The following SPTY2D1 variants were observed in gnomAD, a reference collection of about 807,000 sequenced individuals.
SPTY2D1 encodes protein SPT2 homolog.
In SPTY2D1, 21 loss-of-function variants were observed where a neutral mutation model predicts 64.0. The ratio of observed to expected loss-of-function variants is 0.33; its 90% CI spans 0.23 to 0.47. The LOEUF is 0.47. Ranked by LOEUF, SPTY2D1 falls within the 20% of genes least tolerant of loss-of-function variation. SPTY2D1 has a pLI of 1.00. For synonymous variants in SPTY2D1, 287 were observed against 286.8 expected (o/e 1.00, Z -0.01); for missense variants, 724 against 837.2 (o/e 0.86, Z 1.67).
At chr11:18,621,075 G>A (rs1419153293) in intron 1 of SPTY2D1, among the ~76,000 whole-genome samples, 1 of 151,540 alleles carries the variant, frequency 6.6e-6, no homozygotes, top group Non-Finnish European at 1.5e-5. Flanking sequence ...AGGCTGAAGC[G>A]GGTGGATCAC....
chr11:18,618,640 T>C (rs1222440789), intron 1 of SPTY2D1, among the ~76,000 whole-genome samples: 2 of 152,198 alleles, frequency 1.3e-5, no homozygotes, highest in Non-Finnish European at 2.9e-5. Context: ...TTGCTGTGGC[T>C]AGCAGAAAAA....
intron 1 of SPTY2D1, among the ~76,000 whole-genome samples, chr11:18,620,203 G>A (rs980700235): frequency 7.2e-5 from 11 of 152,158 alleles, no homozygotes; most frequent in African/African-American, 1.7e-4. Flanking sequence ...GGCCAGGTGC[G>A]GTGGTTCACG....
At chr11:18,628,815 G>C (rs1854540093) in intron 1 of SPTY2D1, among the ~76,000 whole-genome samples, 1 of 152,160 alleles carries the variant, frequency 6.6e-6, no homozygotes, top group South Asian at 2.1e-4. Flanking sequence ...AAAACTTTTT[G>C]TTGGCCCACA....
intron 1 of SPTY2D1, among the ~76,000 whole-genome samples, chr11:18,626,015 TCAC>T (rs1232567586): frequency 6.6e-6 from 1 of 152,206 alleles, no homozygotes; most frequent in East Asian, 1.9e-4. Flanking sequence ...GAGACAGGTT[TCAC>T]CACGTTGGCC....
chr11:18,614,468 C>T, intron 3 of SPTY2D1, 95 bp downstream of exon 3: 1 of 1,180,410 alleles, frequency 8.5e-7, no homozygotes. Flanking sequence ...TAAAGGACAG[C>T]ACATGAGGGG....
At chr11:18,619,845 G>A (rs1183391270) in intron 1 of SPTY2D1, among the ~76,000 whole-genome samples, 1 of 152,074 alleles carries the variant, frequency 6.6e-6, no homozygotes, top group Non-Finnish European at 1.5e-5. Context: ...CCCATGCAAG[G>A]TTTTCCCCAA....
At chr11:18,619,405 G>A (rs1337354125) in intron 1 of SPTY2D1, among the ~76,000 whole-genome samples, 1 of 148,858 alleles carries the variant, frequency 6.7e-6, no homozygotes, top group African/African-American at 2.5e-5. Flanking sequence ...GACAGCTTGA[G>A]CCCAGGAGTT....
chr11:18,632,163 A>G (rs1854598756), intron 1 of SPTY2D1, among the ~76,000 whole-genome samples: 1 of 151,844 alleles, frequency 6.6e-6, no homozygotes, highest in African/African-American at 2.4e-5. Flanking sequence ...AAAAAAAAAA[A>G]AAAAGAAGAA....
At chr11:18,620,639 C>T (rs1183012228) in intron 1 of SPTY2D1, among the ~76,000 whole-genome samples, 1 of 151,988 alleles carries the variant, frequency 6.6e-6, no homozygotes, top group African/African-American at 2.4e-5. Flanking sequence ...TTAATCCCAG[C>T]ACTTTGGGAG....
In SPTY2D1 at chr11:18,631,552, C is replaced by CAA. The variant is rs71050620; in HGVS notation, c.60+2644_60+2645dup. 3.3e-3 allele frequency among the ~76,000 whole-genome samples: 377 copies of CAA among 112,850 alleles called. 5 individuals are homozygous for CAA. The highest frequency in any genetic ancestry group is 3.3e-3 in the Admixed American group (37 of 11,162). The allele number at this position is 112,850 out of a possible 152,430, so 74.0% of individuals were successfully genotyped here. On this transcript the variant is annotated intron_variant, in intron 1 of 5. Transcript: ENST00000336349. ...AGCCTGGGCAACAGAGACTCCATCT[C>CAA]AAAAAAAAGAAAAGAAAAGAAAAAG...
intron 1 of SPTY2D1, among the ~76,000 whole-genome samples, chr11:18,624,356 A>G (rs917340743): frequency 6.6e-6 from 1 of 152,184 alleles, no homozygotes; most frequent in African/African-American, 2.4e-5. Flanking sequence ...TCTGAATCTG[A>G]GTCAAGGCAC....
At chr11:18,618,878 A>G (rs1440564153) in intron 1 of SPTY2D1, among the ~76,000 whole-genome samples, 1 of 152,212 alleles carries the variant, frequency 6.6e-6, no homozygotes, top group Non-Finnish European at 1.5e-5. Flanking sequence ...AAAATCTTGC[A>G]TGATAGCAAT....
intron 5 of SPTY2D1, among the ~76,000 whole-genome samples, chr11:18,610,681 A>C (rs909739557): frequency 6.0e-5 from 9 of 150,878 alleles, no homozygotes; most frequent in South Asian, 2.1e-4. Context: ...AAAAAAAAAA[A>C]AAAAAAACAA....
chr11:18,628,550 G>A (rs1299936830), intron 1 of SPTY2D1, among the ~76,000 whole-genome samples: 2 of 152,230 alleles, frequency 1.3e-5, no homozygotes, highest in Non-Finnish European at 2.9e-5. Flanking sequence ...TAGTAAGGCA[G>A]AAGAACTATC....
Position 18,616,968 on chromosome 11 carries a change from C to T in SPTY2D1, c.82G>A (p.Gly28Arg). 1.2e-6 allele frequency: 2 copies of T among 1,613,990 alleles called. No homozygotes were observed. Among genetic ancestry groups the T allele is most frequent in the Non-Finnish European group, 1.7e-6 (2 of 1,179,986 alleles). The change falls in exon 2 of 6, where the codon GGG (glycine) becomes AGG (arginine). Residue 28 changes from glycine (G) to arginine (R), a missense_variant. This residue lies in a region of SPTY2D1 where 179 missense variants were observed against 232.5 expected (regional missense o/e 0.77). Transcript: ENST00000336349. ...NVPKRYSLAV[G>R]PPKKDPKVKG... The stretch of plus-strand genomic sequence containing the variant: ...ACTTTTGGGTCTTTTTTTGGAGGCC[C>T]CACTGCCAAACTATACCTTTTCTAA...
At chr11:18,610,677 A>AAC (rs1554987428) in intron 5 of SPTY2D1, among the ~76,000 whole-genome samples, 4 of 150,740 alleles carry the variant, frequency 2.7e-5, no homozygotes, top group Admixed American at 2.0e-4. Flanking sequence ...TAAAAAAAAA[A>AAC]AAAAAAAAAA....
rs1160322998 is a variant in SPTY2D1 at position 18,615,556 on chromosome 11, T to C, written c.718A>G (p.Thr240Ala). 1 of 1,614,240 alleles carries C rather than the reference T, an allele frequency of 6.2e-7. No homozygotes were observed. The highest frequency in any genetic ancestry group is 1.1e-5 in the South Asian group (1 of 91,084). ...TCTCCAGAACCTTTGCTAAGTTTTG[T>C]GCCCACACTTTCTTTCTGAGAGGGT... ...KAPSQKESVG[T>A]KLSKGSGDRH... The change falls in exon 3 of 6, where the codon ACA becomes GCA. Residue 240 changes from threonine to alanine, a missense_variant. By Grantham distance (58) the Thr-to-Ala change is moderately conservative. Around this residue, in one of 3 missense-constraint regions of SPTY2D1, gnomAD observed 426 missense variants for 431.8 expected, o/e 0.99. Coordinates refer to ENST00000336349, the MANE Select transcript of SPTY2D1 (RefSeq NM_194285.3).
In SPTY2D1 at chr11:18,615,432, T is replaced by C. The variant is rs377270489; in HGVS notation, c.842A>G (p.Lys281Arg). The C allele has an allele frequency of 9.9e-6, 16 of 1,614,176 alleles. No individual in the cohort carries two copies. Among genetic ancestry groups the C allele is most frequent in the African/African-American group, 1.3e-5 (1 of 75,052 alleles). The change falls in exon 3 of 6, where the codon AAA becomes AGA. Residue 281 changes from lysine (K) to arginine (R), a missense_variant. Lys to Arg is a conservative substitution (Grantham distance 26, BLOSUM62 2). Coordinates refer to ENST00000336349, the MANE Select transcript of SPTY2D1 (RefSeq NM_194285.3). ...NEKHLALSSS[K>R]SMPGERIKAG... is the part of the protein sequence containing the mutation. Reference sequence around the variant, plus strand: ...CTTGATCCTCTCTCCTGGCATGGATTTGGATGAAGACAAAGCGAGGTGTTT... The same window carrying C: ...CTTGATCCTCTCTCCTGGCATGGATCTGGATGAAGACAAAGCGAGGTGTTT...
intron 1 of SPTY2D1, among the ~76,000 whole-genome samples, chr11:18,622,103 A>AAAAAAAAAAAAAAAAAAAAC (rs1565161248): frequency 1.4e-5 from 2 of 147,956 alleles, no homozygotes; most frequent in African/African-American, 4.9e-5. Context: ...AAAAAAAAAA[A>AAAAAAAAAAAAAAAAAAAAC]ACCAAAACCA....
Sources: gnomAD v4.1 joint callset for allele counts (sites outside exome capture counted in the v4.1 genomes callset) on GRCh38, gnomAD v4.1.1 for gene constraint, gnomAD v4.1.1 regional missense constraint, MANE v1.5 for transcripts, NCBI Gene and HGNC (gene_info 2026-07-23, HGNC 2026-07-21) for gene names.